Variants in SUCLG2 observed in about 807,000 individuals in gnomAD.
SUCLG2 encodes the protein succinate-CoA ligase GDP-forming subunit beta.
SUCLG2 carries 42 observed loss-of-function variants against 47.9 expected under a neutral mutation model. The ratio of observed to expected loss-of-function variants is 0.88; its 90% CI spans 0.69 to 1.14. The LOEUF (loss-of-function observed/expected upper bound fraction) is 1.14, where lower values mean the gene tolerates loss of function less well. Among genes scored for constraint, SUCLG2 ranks in the 50% most tolerant of loss-of-function variants. SUCLG2 has a pLI of 0.00. For synonymous variants in SUCLG2, 195 were observed against 197.3 expected, an observed-to-expected ratio of 0.99 and a Z score of 0.10; for missense variants, 571 against 525.9, an observed-to-expected ratio of 1.09 and a Z score of -0.84.
intron 9 of SUCLG2, among the ~76,000 whole-genome samples, chr3:67,451,114 AAC>A: frequency 6.6e-6 from 1 of 152,310 alleles, no homozygotes; most frequent in Admixed American, 6.5e-5. Flanking sequence ...TGAACAACTC[AAC>A]ACACTGTCCA....
chr3:67,632,443 A>G (rs1438524087), intron 1 of SUCLG2, among the ~76,000 whole-genome samples: 1 of 152,090 alleles, frequency 6.6e-6, no homozygotes, highest in African/African-American at 2.4e-5. Context: ...TTGCCCTCCC[A>G]AAGTACTGAG....
intron 2 of SUCLG2, among the ~76,000 whole-genome samples, chr3:67,608,822 C>T (rs192862046): frequency 7.4e-4 from 112 of 152,168 alleles, no homozygotes; most frequent in African/African-American, 2.4e-3. Context: ...GGACTACAGG[C>T]ATACACCACC....
intron 9 of SUCLG2, among the ~76,000 whole-genome samples, chr3:67,426,835 G>A (rs72918956): frequency 2.0e-5 from 3 of 152,198 alleles, no homozygotes; most frequent in East Asian, 3.9e-4. Context: ...GGCTGAGGAG[G>A]GGAATCACTT....
At chr3:67,542,242 C>T (rs531617949) in intron 2 of SUCLG2, among the ~76,000 whole-genome samples, 23 of 152,130 alleles carry the variant, frequency 1.5e-4, no homozygotes, top group African/African-American at 2.9e-4. Flanking sequence ...GTTTCATAAA[C>T]GAAGGAGAAA....
intron 9 of SUCLG2, among the ~76,000 whole-genome samples, chr3:67,423,322 G>C (rs565815877): frequency 3.3e-5 from 5 of 152,052 alleles, no homozygotes; most frequent in Non-Finnish European, 7.4e-5. Flanking sequence ...CTGGCCATGC[G>C]GAACTGTGAG....
At chr3:67,362,924 T>C (rs1315434412) in intron 10 of SUCLG2, among the ~76,000 whole-genome samples, 2 of 152,220 alleles carry the variant, frequency 1.3e-5, no homozygotes, top group African/African-American at 4.8e-5. Flanking sequence ...GTGTAATTTA[T>C]GCTCTAGAGC....
At chr3:67,497,665 T>C (rs1386525124) in intron 8 of SUCLG2, among the ~76,000 whole-genome samples, 1 of 152,166 alleles carries the variant, frequency 6.6e-6, no homozygotes, top group Non-Finnish European at 1.5e-5. Context: ...TGCATATTAA[T>C]ACTGAGTTGA....
intron 1 of SUCLG2, among the ~76,000 whole-genome samples, chr3:67,612,055 T>C (rs1700536896): frequency 6.6e-6 from 1 of 152,166 alleles, no homozygotes; most frequent in South Asian, 2.1e-4. Context: ...ACTCCACTTA[T>C]TAAGAATTTG....
chr3:67,495,894 A>T lies in SUCLG2; in HGVS notation c.966T>A (p.Leu322=), dbSNP rs1705325993. 1 of 1,613,928 alleles carries T rather than the reference A, an allele frequency of 6.2e-7. No individual in the cohort carries two copies. Among genetic ancestry groups the T allele is most frequent in the Admixed American group, 1.7e-5 (1 of 59,978 alleles). ...LAMATCDIIF[L]NGGKPANFLD... is the part of the protein sequence containing the mutation. Reference sequence around the variant, plus strand: ...AGAAGTTGGCTGGCTTCCCACCATTAAGGAAAATGATATCACAAGTAGCCA... The same window carrying T: ...AGAAGTTGGCTGGCTTCCCACCATTTAGGAAAATGATATCACAAGTAGCCA... Residue 322 remains leucine (L), a synonymous_variant, in exon 9 of 11, where the codon CTT becomes CTA. Coordinates refer to ENST00000307227, the MANE Select transcript of SUCLG2 (RefSeq NM_003848.4).
chr3:67,629,964 C>T (rs1306034287), intron 1 of SUCLG2, among the ~76,000 whole-genome samples: 2 of 152,074 alleles, frequency 1.3e-5, no homozygotes, highest in Admixed American at 6.6e-5. Flanking sequence ...CTACTCTCTG[C>T]CCCCTTCTCA....
intron 9 of SUCLG2, among the ~76,000 whole-genome samples, chr3:67,425,022 G>C (rs560610012): frequency 6.6e-6 from 1 of 151,744 alleles, no homozygotes; most frequent in Non-Finnish European, 1.5e-5. Flanking sequence ...ACCCACAATC[G>C]CCTCCCCTTC....
At chr3:67,645,308 T>TAC (rs534654632) in intron 1 of SUCLG2, among the ~76,000 whole-genome samples, 127 of 152,162 alleles carry the variant, frequency 8.3e-4, no homozygotes, top group Non-Finnish European at 1.2e-3. Context: ...AAGGATCCAT[T>TAC]AGACACTCAC....
chr3:67,375,703 G>GA lies in SUCLG2; in HGVS notation c.*40dup. 6.4e-7 allele frequency: 1 copy of GA among 1,574,412 alleles called. No homozygotes were observed. Among genetic ancestry groups the GA allele is most frequent in the Non-Finnish European group, 8.6e-7 (1 of 1,160,284 alleles). ...CAATGATGAACCATCCCTTTTTACG[G>GA]AAAAATGGCTTTCTTTCTCCATTGG... On this transcript the variant is annotated 3_prime_UTR_variant, in exon 11 of 11. Transcript: ENST00000307227.
At chr3:67,514,109 G>T in intron 6 of SUCLG2, 1 of 317,356 alleles carries the variant, frequency 3.2e-6, no homozygotes, top group South Asian at 2.8e-5. Context: ...CCTAACTGCT[G>T]ACGGCTCATT....
intron 2 of SUCLG2, among the ~76,000 whole-genome samples, chr3:67,570,979 C>A (rs939075376): frequency 4.6e-5 from 7 of 152,180 alleles, no homozygotes; most frequent in Non-Finnish European, 8.8e-5. Flanking sequence ...GTCTTGGAGA[C>A]TGGGCCCTCT....
At chr3:67,618,423 G>T (rs889672346) in intron 1 of SUCLG2, among the ~76,000 whole-genome samples, 1 of 152,092 alleles carries the variant, frequency 6.6e-6, no homozygotes, top group Admixed American at 6.5e-5. Flanking sequence ...GTCTCAAAAA[G>T]AAAAAATGTG....
chr3:67,527,108 A>G (rs529150033), intron 4 of SUCLG2, among the ~76,000 whole-genome samples: 88 of 152,366 alleles, frequency 5.8e-4, no homozygotes, highest in African/African-American at 2.1e-3. Flanking sequence ...TTAACAAAAG[A>G]AAATGGAACT....
chr3:67,396,489 G>A (rs1702533411), intron 10 of SUCLG2, among the ~76,000 whole-genome samples: 2 of 152,080 alleles, frequency 1.3e-5, no homozygotes, highest in South Asian at 4.1e-4. Flanking sequence ...TTGAATCTCT[G>A]AATAGACCAA....
At position 67,591,624 on chromosome 3, in the gene SUCLG2, CT is replaced by C. The variant is rs145568585; in HGVS notation, c.226+17830del. 3.8e-3 allele frequency among the ~76,000 whole-genome samples: 572 copies of C among 152,226 alleles called. 3 individuals are homozygous for C. Among genetic ancestry groups the C allele is most frequent in the African/African-American group, 0.013 (542 of 41,518 alleles). On this transcript the variant is annotated intron_variant, in intron 2 of 10. Transcript: ENST00000307227. Reference sequence around the variant, plus strand: ...CTTGCTGCCACCATGTAAGAAGTGCCTTTCACCTCCAGCCATGTTTCTGAGA... The same window carrying C: ...CTTGCTGCCACCATGTAAGAAGTGCCTTCACCTCCAGCCATGTTTCTGAGA...
Sources: allele counts gnomAD v4.1 joint callset (sites outside exome capture counted in the v4.1 genomes callset), GRCh38; gene constraint gnomAD v4.1.1; transcripts MANE v1.5; gene names NCBI Gene and HGNC (gene_info 2026-07-23, HGNC 2026-07-21).